Variants in EYA2 observed in about 807,000 individuals in gnomAD.
The protein encoded by EYA2 is protein phosphatase EYA2.
A neutral mutation model predicts 69.2 loss-of-function variants in EYA2; 31 were observed. The observed-to-expected ratio is 0.45, with a 90% CI of 0.34 to 0.60. The LOEUF (loss-of-function observed/expected upper bound fraction) is 0.60, where lower values mean the gene tolerates loss of function less well. Among genes scored for constraint, EYA2 ranks in the 20% least tolerant of loss-of-function variants. The probability of loss-of-function intolerance (pLI) is 0.02; values close to 1 mark genes in which losing one functional copy is unlikely to be tolerated. For synonymous variants in EYA2, 257 were observed against 279.4 expected, an observed-to-expected ratio of 0.92 and a Z score of 0.80; for missense variants, 622 against 701.2, an observed-to-expected ratio of 0.89 and a Z score of 1.28.
chr20:47,156,384 T>C (rs1373344192), intron 10 of EYA2, among the ~76,000 whole-genome samples: 1 of 150,990 alleles, frequency 6.6e-6, no homozygotes. Context: ...AAGGTAACGC[T>C]AAAGATCTTT....
At chr20:47,135,818 C>CGAAAAAAAAAAA (rs2033449844) in intron 9 of EYA2, among the ~76,000 whole-genome samples, 1 of 33,264 alleles carries the variant, frequency 3.0e-5, no homozygotes, top group Admixed American at 3.3e-4. Flanking sequence ...CCTGTCTCTA[C>CGAAAAAAAAAAA]AAAAAAAAAA....
chr20:47,095,829 G>C (rs1416726584), intron 8 of EYA2: 2 of 152,144 alleles, frequency 1.3e-5, no homozygotes, highest in Non-Finnish European at 2.9e-5. Context: ...GCAACTTAAG[G>C]ATGTATTCAA....
At chr20:46,908,160 G>A (rs574845096) in intron 1 of EYA2, among the ~76,000 whole-genome samples, 1 of 152,292 alleles carries the variant, frequency 6.6e-6, no homozygotes, top group East Asian at 1.9e-4. Flanking sequence ...GCCCTACTCT[G>A]GACGTGGGGA....
chr20:46,969,790 C>T (rs1980029935), intron 1 of EYA2, among the ~76,000 whole-genome samples: 1 of 152,134 alleles, frequency 6.6e-6, no homozygotes, highest in South Asian at 2.1e-4. Context: ...GATGTTAAAC[C>T]TGGGCAAGGG....
intron 9 of EYA2, among the ~76,000 whole-genome samples, chr20:47,138,860 T>C (rs930662028): frequency 1.3e-5 from 2 of 152,240 alleles, no homozygotes; most frequent in African/African-American, 4.8e-5. Context: ...GCCTTTCTTT[T>C]TGTGTACAGC....
In EYA2 at chr20:47,105,364, C is replaced by T. The variant is rs925655965; in HGVS notation, c.888+8196C>T. Among the ~76,000 whole-genome samples, 5 of 152,130 alleles carry T rather than the reference C, an allele frequency of 3.3e-5. No individual in the cohort carries two copies. The East Asian group carries it at 9.7e-4, about 29-fold the overall frequency. ...CAGTGGCTGGGCGTGGTGGCCCATG[C>T]CTGTAATCCCAGCACTTTGGGAAGC... is the stretch of plus-strand genomic sequence containing the variant. On this transcript the variant is annotated intron_variant, in intron 9 of 15. Coordinates refer to ENST00000327619, the MANE Select transcript of EYA2 (RefSeq NM_005244.5).
intron 1 of EYA2, among the ~76,000 whole-genome samples, chr20:46,959,258 CAT>C (rs1979322228): frequency 6.6e-6 from 1 of 152,186 alleles, no homozygotes; most frequent in Admixed American, 6.5e-5. Flanking sequence ...TTGCATCTGT[CAT>C]TGTGTACATA....
chr20:47,021,445 G>A (rs1437069803), intron 5 of EYA2, among the ~76,000 whole-genome samples: 4 of 151,940 alleles, frequency 2.6e-5, no homozygotes, highest in African/African-American at 4.8e-5. Context: ...TGGCCAACAT[G>A]GCAAAACCCC....
intron 12 of EYA2, among the ~76,000 whole-genome samples, chr20:47,173,351 G>A (rs1307777760): frequency 6.6e-6 from 1 of 151,776 alleles, no homozygotes; most frequent in Non-Finnish European, 1.5e-5. Flanking sequence ...GGGAGGACCT[G>A]TGCCTTGAGT....
At chr20:47,134,178 G>A (rs547840774) in intron 9 of EYA2, among the ~76,000 whole-genome samples, 50 of 152,322 alleles carry the variant, frequency 3.3e-4, no homozygotes, top group African/African-American at 1.1e-3. Flanking sequence ...AGATAGCGTA[G>A]ATGTCTGGTG....
chr20:46,919,411 C>T (rs1985080046), intron 1 of EYA2, among the ~76,000 whole-genome samples: 1 of 152,248 alleles, frequency 6.6e-6, no homozygotes, highest in Admixed American at 6.5e-5. Context: ...TTCTGGATAA[C>T]TTGCTGCAGT....
chr20:46,987,294 T>G (rs1399284882), intron 1 of EYA2, among the ~76,000 whole-genome samples: 1 of 152,228 alleles, frequency 6.6e-6, no homozygotes, highest in African/African-American at 2.4e-5. Flanking sequence ...TCGTGTCATT[T>G]TCACATATTA....
At chr20:46,901,833 A>G (rs1446710168) in intron 1 of EYA2, 1 of 152,266 alleles carries the variant, frequency 6.6e-6, no homozygotes, top group Non-Finnish European at 1.5e-5. Context: ...TGTTGTCAAC[A>G]GAGTTTTAGC....
chr20:47,044,522 G>A (rs146711986), intron 5 of EYA2, among the ~76,000 whole-genome samples: 5 of 152,258 alleles, frequency 3.3e-5, no homozygotes, highest in African/African-American at 1.2e-4. Flanking sequence ...TCTTTCGGGG[G>A]GGTGGGGGCA....
chr20:46,914,901 G>A (rs1271289731), intron 1 of EYA2, among the ~76,000 whole-genome samples: 3 of 152,162 alleles, frequency 2.0e-5, no homozygotes, highest in Non-Finnish European at 4.4e-5. Flanking sequence ...TAGAAAGTTG[G>A]GTTCAGTTTT....
At chr20:46,905,039 G>A (rs1600530079) in intron 1 of EYA2, among the ~76,000 whole-genome samples, 1 of 152,056 alleles carries the variant, frequency 6.6e-6, no homozygotes, top group Non-Finnish European at 1.5e-5. Flanking sequence ...CTGGGACTTT[G>A]AAAAATTAAA....
chr20:46,912,842 A>G (rs913713974), intron 1 of EYA2, among the ~76,000 whole-genome samples: 4 of 151,402 alleles, frequency 2.6e-5, no homozygotes, highest in Admixed American at 6.6e-5. Context: ...CTGGGACTAC[A>G]GGCGCCCGCC....
intron 10 of EYA2, among the ~76,000 whole-genome samples, chr20:47,160,635 C>T (rs570543120): frequency 6.6e-6 from 1 of 152,200 alleles, no homozygotes; most frequent in Non-Finnish European, 1.5e-5. Context: ...ACATGCAGTG[C>T]CTAGGCCAGT....
chr20:47,069,944 C>G (rs1321580443), intron 5 of EYA2, among the ~76,000 whole-genome samples: 2 of 151,958 alleles, frequency 1.3e-5, no homozygotes, highest in African/African-American at 4.8e-5. Flanking sequence ...GATCATAGAC[C>G]TAAATACAAG....
Sources: allele counts gnomAD v4.1 joint callset (sites outside exome capture counted in the v4.1 genomes callset), GRCh38; gene constraint gnomAD v4.1.1; transcripts MANE v1.5; gene names NCBI Gene and HGNC (gene_info 2026-07-23, HGNC 2026-07-21).